ZNRF2: variants seen among roughly 807,000 people sequenced by gnomAD.
ZNRF2 encodes the protein E3 ubiquitin-protein ligase ZNRF2.
A neutral mutation model predicts 20.4 loss-of-function variants in ZNRF2; 16 were observed. That is an observed-to-expected ratio of 0.79 (90% CI 0.53 to 1.19). The LOEUF is 1.19. ZNRF2 is among the 50% of genes most tolerant of loss of function. The probability of loss-of-function intolerance (pLI) is 0.00; values close to 1 mark genes in which losing one functional copy is unlikely to be tolerated. For missense variants in ZNRF2, 363 were observed against 332.4 expected (o/e 1.09, Z -0.72); for synonymous variants, 178 against 144.9 (o/e 1.23, Z -1.64).
chr7:30,285,588 C>G lies in ZNRF2; in HGVS notation c.231C>G (p.Ala77=), dbSNP rs1798764831. 9.2e-7 allele frequency: 1 copy of G among 1,082,054 alleles called. No homozygotes were observed. Among genetic ancestry groups the G allele is most frequent in the Non-Finnish European group, 1.1e-6 (1 of 893,286 alleles). The allele number at this position is 1,082,054 out of a possible 1,614,324, so 67.0% of individuals were successfully genotyped here. Residue 77 remains alanine, a synonymous_variant, in exon 1 of 5, where the codon GCC becomes GCG. Transcript: ENST00000323037. ...CGGCGGCCCCGGCAGCCCCGGCGGC[C>G]CCGCGCAGCCGCTCCCTCGGCGGGG... The part of the protein sequence containing the change: ...AAAAAPAAPA[A]PRSRSLGGAV...
At chr7:30,307,316 GTTTTTTTTTGTT>G (rs1431044976) in intron 1 of ZNRF2, among the ~76,000 whole-genome samples, 43 of 68,084 alleles carry the variant, frequency 6.3e-4, no homozygotes, top group Non-Finnish European at 1.2e-3. Flanking sequence ...TCTTTCTGCT[GTTTTTTTTTGTT>G]TTTTTTTTTT....
At chr7:30,288,699 A>T (rs1562601323) in intron 1 of ZNRF2, 1 of 152,220 alleles carries the variant, frequency 6.6e-6, no homozygotes, top group East Asian at 1.9e-4. Flanking sequence ...TCAGAATGTG[A>T]TTATATTTAT....
At chr7:30,341,585 CTGTT>C (rs1294279974) in intron 2 of ZNRF2, among the ~76,000 whole-genome samples, 12 of 152,208 alleles carry the variant, frequency 7.9e-5, no homozygotes, top group African/African-American at 2.6e-4. Context: ...GTCTGAGAAA[CTGTT>C]TGTTATGATT....
At chr7:30,330,907 T>G (rs1017013354) in intron 2 of ZNRF2, among the ~76,000 whole-genome samples, 1 of 152,216 alleles carries the variant, frequency 6.6e-6, no homozygotes, top group African/African-American at 2.4e-5. Flanking sequence ...TGTTCATTTA[T>G]GTACATTGGT....
intron 1 of ZNRF2, among the ~76,000 whole-genome samples, chr7:30,301,296 A>G (rs1397855050): frequency 6.6e-6 from 1 of 152,168 alleles, no homozygotes; most frequent in Non-Finnish European, 1.5e-5. Context: ...CAGCCTGGCC[A>G]ACATGGTGAA....
intron 1 of ZNRF2, among the ~76,000 whole-genome samples, chr7:30,318,394 AAG>A (rs1250116161): frequency 2.0e-5 from 3 of 152,182 alleles, no homozygotes; most frequent in Non-Finnish European, 4.4e-5. Flanking sequence ...TCTCATAACT[AAG>A]AAAGTTGCAT....
chr7:30,334,731 A>G (rs1799690755), intron 2 of ZNRF2, among the ~76,000 whole-genome samples: 1 of 152,176 alleles, frequency 6.6e-6, no homozygotes, highest in South Asian at 2.1e-4. Context: ...GTGGGAGGTT[A>G]ATTAGAAAAC....
chr7:30,323,667 A>G lies in ZNRF2; in HGVS notation c.495A>G (p.Lys165=). ...FGGFKCPVCS[K]FVSSDEMDLH... The stretch of plus-strand genomic sequence containing the variant: ...GATTTAAGTGCCCTGTATGCTCAAA[A>G]TTTGTATCCTCAGATGAAATGGATT... Residue 165 remains lysine, a synonymous_variant, in exon 2 of 5, where the codon AAA becomes AAG. Coordinates refer to ENST00000323037, the MANE Select transcript of ZNRF2 (RefSeq NM_147128.4). 6.2e-7 allele frequency: 1 copy of G among 1,600,368 alleles called. No individual in the cohort carries two copies. Among genetic ancestry groups the G allele is most frequent in the Non-Finnish European group, 8.5e-7 (1 of 1,175,208 alleles).
At chr7:30,353,941 T>C (rs1799995538) in intron 2 of ZNRF2, among the ~76,000 whole-genome samples, 1 of 152,178 alleles carries the variant, frequency 6.6e-6, no homozygotes. Context: ...CTTGGAATTA[T>C]AGACCTTTAC....
At chr7:30,293,414 A>C (rs1165177128) in intron 1 of ZNRF2, among the ~76,000 whole-genome samples, 1 of 151,834 alleles carries the variant, frequency 6.6e-6, no homozygotes. Flanking sequence ...ATGCCTCACT[A>C]ATTTTTGTAT....
At chr7:30,285,856 C>G (rs751430448) in intron 1 of ZNRF2, 30 bp downstream of exon 1, 34 of 1,436,516 alleles carry the variant, frequency 2.4e-5, no homozygotes, top group Admixed American at 1.5e-4. Context: ...CACCCGCGCT[C>G]GGTCCTCCCG....
chr7:30,358,131 A>G (rs1387799537), intron 3 of ZNRF2, among the ~76,000 whole-genome samples: 1 of 152,206 alleles, frequency 6.6e-6, no homozygotes, highest in African/African-American at 2.4e-5. Flanking sequence ...TTTCAGTAAA[A>G]TTCTATCCTT....
chr7:30,334,108 A>G (rs992384342), intron 2 of ZNRF2, among the ~76,000 whole-genome samples: 1 of 151,942 alleles, frequency 6.6e-6, no homozygotes, highest in Non-Finnish European at 1.5e-5. Context: ...TTTTTTTCCT[A>G]GGATTTTTAT....
chr7:30,316,466 C>T (rs1310185931), intron 1 of ZNRF2, among the ~76,000 whole-genome samples: 6 of 152,010 alleles, frequency 3.9e-5, no homozygotes, highest in Admixed American at 3.9e-4. Context: ...TCAAGGATTG[C>T]TTTGGAGGAT....
intron 1 of ZNRF2, among the ~76,000 whole-genome samples, chr7:30,301,280 C>T (rs1167635219): frequency 6.6e-5 from 10 of 152,048 alleles, no homozygotes; most frequent in South Asian, 2.1e-4. Flanking sequence ...GTCAGGAGCT[C>T]GGGACCAGCC....
intron 1 of ZNRF2, among the ~76,000 whole-genome samples, chr7:30,319,604 A>G (rs1799435325): frequency 6.6e-6 from 1 of 152,172 alleles, no homozygotes; most frequent in African/African-American, 2.4e-5. Context: ...GCATTGAAGT[A>G]TTGTCCAGGT....
chr7:30,357,632 C>T lies in ZNRF2; in HGVS notation c.671+1799C>T, dbSNP rs573197976. ...AAATTTTAAAATGACACACTAGAGA[C>T]CCACAGACCACCAGTTGGTTCAGAA... On this transcript the variant is annotated intron_variant, in intron 3 of 4. Coordinates refer to ENST00000323037, the MANE Select transcript of ZNRF2 (RefSeq NM_147128.4). 5.3e-5 allele frequency among the ~76,000 whole-genome samples: 8 copies of T among 152,126 alleles called. No homozygotes were observed. In the South Asian group the frequency reaches 1.5e-3, roughly 28 times the overall value.
chr7:30,361,237 G>A (rs1195902859), intron 3 of ZNRF2, among the ~76,000 whole-genome samples: 2 of 152,212 alleles, frequency 1.3e-5, no homozygotes, highest in African/African-American at 4.8e-5. Context: ...GTAGAGAGCA[G>A]GCTGAAAACA....
intron 1 of ZNRF2, among the ~76,000 whole-genome samples, chr7:30,301,316 C>T (rs918907261): frequency 7.2e-5 from 11 of 152,060 alleles, no homozygotes; most frequent in African/African-American, 2.4e-4. Context: ...AACCCCTTCT[C>T]TACTAAAATT....
Sources: allele counts gnomAD v4.1 joint callset (sites outside exome capture counted in the v4.1 genomes callset), GRCh38; gene constraint gnomAD v4.1.1; transcripts MANE v1.5; gene names NCBI Gene and HGNC (gene_info 2026-07-23, HGNC 2026-07-21).